SMARCC2: variants seen among roughly 807,000 people sequenced by gnomAD.
SMARCC2 encodes SWI/SNF complex subunit SMARCC2.
SMARCC2 carries 15 observed loss-of-function variants against 151.3 expected under a neutral mutation model. The ratio of observed to expected loss-of-function variants is 0.10; its 90% CI spans 0.07 to 0.15. The LOEUF is 0.15. Ranked by LOEUF, SMARCC2 falls within the 10% of genes least tolerant of loss-of-function variation. The pLI is 1.00. For missense variants in SMARCC2, 1,031 were observed against 1,599.7 expected (o/e 0.64, Z 6.06); for synonymous variants, 590 against 609.5 (o/e 0.97, Z 0.47).
chr12:56,186,627 G>C, intron 2 of SMARCC2: 1 of 225,468 alleles, frequency 4.4e-6, no homozygotes, highest in Non-Finnish European at 8.9e-6. Context: ...TGAGATTACA[G>C]GCGTGAGCCA....
At position 56,163,737 on chromosome 12, in the gene SMARCC2, G is replaced by A. The variant is rs1465035393; in HGVS notation, c.3690C>T (p.Pro1230=). ...TGACCGTGCCTGGGCTCGGGGCTGT[G>A]GGGTCTGGAGGCAGGGGGGTGCCTG... ...PDPGTPLPPD[P]TAPSPGTVTP... The change falls in exon 29 of 29, where the codon CCC becomes CCT. Residue 1230 remains proline (P), a synonymous_variant. Coordinates refer to ENST00000550164, the MANE Select transcript of SMARCC2 (RefSeq NM_001330288.2). 3 of 1,512,476 alleles carry A rather than the reference G, an allele frequency of 2.0e-6. No homozygotes were observed. The highest frequency in any genetic ancestry group is 2.6e-6 in the Non-Finnish European group (3 of 1,141,202). 93.7% of individuals were successfully genotyped at this position (1,512,476 alleles called of 1,614,324 possible).
intron 26 of SMARCC2, among the ~76,000 whole-genome samples, chr12:56,166,937 G>A (rs940406840): frequency 5.9e-5 from 9 of 151,854 alleles, no homozygotes; most frequent in African/African-American, 2.2e-4. Context: ...GGTGGCATGT[G>A]CCTGTAATCC....
intron 18 of SMARCC2, 115 bp downstream of exon 18, chr12:56,172,822 G>A (rs1454410977): frequency 1.2e-5 from 19 of 1,555,606 alleles, no homozygotes; most frequent in Non-Finnish European, 1.7e-5. Flanking sequence ...ACCCCTGGGT[G>A]GGACTTCCTC....
chr12:56,166,202 C>T (rs1279984950), intron 26 of SMARCC2, among the ~76,000 whole-genome samples: 2 of 151,008 alleles, frequency 1.3e-5, no homozygotes, highest in Non-Finnish European at 3.0e-5. Flanking sequence ...AGTACAGTAG[C>T]GTGATCTCAG....
At chr12:56,178,882 C>T (rs747376003) in intron 12 of SMARCC2, 35 bp from the exon 13 acceptor site, 1 of 1,612,344 alleles carries the variant, frequency 6.2e-7, no homozygotes, top group South Asian at 1.1e-5. Flanking sequence ...AGGCTGGAGC[C>T]TCCTGAGGGG....
intron 15 of SMARCC2, 71 bp from the exon 16 acceptor site, chr12:56,174,835 G>T: frequency 1.0e-6 from 1 of 991,562 alleles, no homozygotes; most frequent in South Asian, 1.3e-5. Context: ...AGGAAAAAAT[G>T]GTAAGAGAGC....
At chr12:56,186,945 C>G (rs533247596) in intron 2 of SMARCC2, 1 of 397,368 alleles carries the variant, frequency 2.5e-6, no homozygotes, top group African/African-American at 2.1e-5. Context: ...CCATGAGAGA[C>G]CTGTGGACTG....
At chr12:56,185,894 C>G in intron 3 of SMARCC2, 1 of 499,766 alleles carries the variant, frequency 2.0e-6, no homozygotes, top group Non-Finnish European at 3.5e-6. Flanking sequence ...GTGCTTACTT[C>G]AAAGGGACAA....
intron 11 of SMARCC2, among the ~76,000 whole-genome samples, chr12:56,179,736 G>A (rs1875752027): frequency 6.6e-6 from 1 of 152,218 alleles, no homozygotes; most frequent in African/African-American, 2.4e-5. Context: ...GCCCAGGCTG[G>A]AGTGCAGTGG....
chr12:56,164,511 G>T lies in SMARCC2; in HGVS notation c.3453C>A (p.His1151Gln). Residue 1151 changes from histidine to glutamine, a missense_variant, in exon 28 of 29, where the codon CAC (histidine) becomes CAA (glutamine). His to Gln is a conservative substitution (Grantham distance 24). This residue lies in a region of SMARCC2 where 310 missense variants were observed against 350.0 expected (regional missense o/e 0.89). Coordinates refer to ENST00000550164, the MANE Select transcript of SMARCC2 (RefSeq NM_001330288.2). The stretch of plus-strand genomic sequence containing the variant: ...TGCCCGGGGCGAACGGGAGATGGTG[G>T]TGATGCCCATGCAGGTTAGGAGGAG... ...LPAPPNLHGHHHHLPFAPGTL... is the reference protein window; with the variant it reads ...LPAPPNLHGHQHHLPFAPGTL... 6.2e-7 allele frequency: 1 copy of T among 1,614,222 alleles called. No homozygotes were observed. Among genetic ancestry groups the T allele is most frequent in the Non-Finnish European group, 8.5e-7 (1 of 1,180,040 alleles).
chr12:56,174,679 G>A lies in SMARCC2; in HGVS notation c.1468C>T (p.Leu490=), dbSNP rs768424188. The change falls in exon 16 of 29, where the codon CTA becomes TTA. Residue 490 remains leucine (L), a synonymous_variant. Coordinates refer to ENST00000550164, the MANE Select transcript of SMARCC2 (RefSeq NM_001330288.2). ...YLTSTACRRN[L]AGDVCAIMRV... Reference sequence around the variant, plus strand: ...ATGATGGCACAGACATCACCCGCTAGGTTTCGGCGGCAGGCGGTAGAGGTA... The same window carrying A: ...ATGATGGCACAGACATCACCCGCTAAGTTTCGGCGGCAGGCGGTAGAGGTA... The A allele has an allele frequency of 9.9e-6, 16 of 1,613,756 alleles. No individual in the cohort carries two copies. Among genetic ancestry groups the A allele is most frequent in the Middle Eastern group, 1.7e-4 (1 of 6,026 alleles).
intron 3 of SMARCC2, 31 bp from the exon 4 acceptor site, chr12:56,185,142 T>C (rs1192900643): frequency 1.3e-6 from 2 of 1,582,590 alleles, no homozygotes; most frequent in Non-Finnish European, 1.7e-6. Flanking sequence ...TAGTGAGTGG[T>C]ATAGCTCAGG....
rs188604410 is a variant in SMARCC2 at position 56,188,896 on chromosome 12, T to A, written c.111+455A>T. Among the ~76,000 whole-genome samples the A allele has an allele frequency of 2.5e-3, 381 of 152,084 alleles. 4 individuals carry two copies. The highest frequency in any genetic ancestry group is 8.8e-3 in the African/African-American group (366 of 41,508). On this transcript the variant is annotated intron_variant, in intron 1 of 28. Transcript: ENST00000550164. Reference sequence around the variant, plus strand: ...TGACTGTTTACCCTCCTGCTTTCCATTCTCTCTCTCTGAACATACACAAAG... The same window carrying A: ...TGACTGTTTACCCTCCTGCTTTCCAATCTCTCTCTCTGAACATACACAAAG...
intron 1 of SMARCC2, among the ~76,000 whole-genome samples, chr12:56,188,010 C>G (rs76728457): frequency 6.6e-6 from 1 of 152,200 alleles, no homozygotes; most frequent in Non-Finnish European, 1.5e-5. Flanking sequence ...CTAATTTGAA[C>G]CTGAGCCAGG....
In SMARCC2 at chr12:56,162,556, G is replaced by A. The variant is rs558530398; in HGVS notation, c.*1133C>T. The A allele has an allele frequency of 3.9e-5, 19 of 486,794 alleles. No homozygotes were observed. The highest frequency in any genetic ancestry group is 6.5e-5 in the Non-Finnish European group (18 of 276,804). 30.2% of individuals were successfully genotyped at this position (486,794 alleles called of 1,614,324 possible). A position where few individuals can be genotyped will look rare whatever the true frequency, so the allele number is the denominator to read the frequency against. ...AGCCTGGAGTCACACCTGCCTTCCCGTCACAGGGGAGAAGCTGGGACACGT... is the reference window on the plus strand; with the variant it reads ...AGCCTGGAGTCACACCTGCCTTCCCATCACAGGGGAGAAGCTGGGACACGT... On this transcript the variant is annotated 3_prime_UTR_variant, in exon 29 of 29. Coordinates refer to ENST00000550164, the MANE Select transcript of SMARCC2 (RefSeq NM_001330288.2).
intron 26 of SMARCC2, 132 bp downstream of exon 26, chr12:56,167,928 G>A (rs1378820502): frequency 9.8e-7 from 1 of 1,024,030 alleles, no homozygotes; most frequent in Admixed American, 2.1e-5. Context: ...TTTCCCCACT[G>A]TTGCTTATCT....
chr12:56,187,373 T>G, intron 1 of SMARCC2, 67 bp from the exon 2 acceptor site: 2 of 1,472,086 alleles, frequency 1.4e-6, no homozygotes, highest in Non-Finnish European at 1.9e-6. Context: ...CTCCCATATT[T>G]CTCCCCCAGG....
chr12:56,178,777 T>TA (rs748323840), intron 13 of SMARCC2, 33 bp downstream of exon 13: 19 of 1,601,788 alleles, frequency 1.2e-5, no homozygotes, highest in Non-Finnish European at 1.5e-5. Context: ...CAGAATCACA[T>TA]AGAGAGGTAG....
intron 8 of SMARCC2, 49 bp from the exon 9 acceptor site, chr12:56,181,884 C>G: frequency 6.2e-7 from 1 of 1,613,246 alleles, no homozygotes; most frequent in African/African-American, 1.3e-5. Context: ...GAAGCCACAG[C>G]TCTGTCTGGG....
Sources: gnomAD v4.1 joint callset for allele counts (sites outside exome capture counted in the v4.1 genomes callset) on GRCh38, gnomAD v4.1.1 for gene constraint, gnomAD v4.1.1 regional missense constraint, MANE v1.5 for transcripts, NCBI Gene and HGNC (gene_info 2026-07-23, HGNC 2026-07-21) for gene names.